Variants in C2orf76 observed in about 807,000 individuals in gnomAD.
C2orf76 encodes the protein chromosome 2 open reading frame 76, also known as UPF0538 protein C2orf76.
A neutral mutation model predicts 16.9 loss-of-function variants in C2orf76; 23 were observed. The ratio of observed to expected loss-of-function variants is 1.36; its 90% confidence interval spans 0.98 to 1.93. C2orf76 has a LOEUF of 1.93. Ranked by LOEUF, C2orf76 falls within the 30% of genes most tolerant of loss-of-function variation. The probability of loss-of-function intolerance (pLI) is 0.00; values close to 1 mark genes in which losing one functional copy is unlikely to be tolerated. For missense variants in C2orf76, 152 were observed against 152.6 expected, an observed-to-expected ratio of 1.00 and a Z score of 0.02; for synonymous variants, 48 against 52.3, an observed-to-expected ratio of 0.92 and a Z score of 0.35.
intron 5 of C2orf76, among the ~76,000 whole-genome samples, chr2:119,309,847 T>C (rs1009073153): frequency 6.6e-6 from 1 of 152,238 alleles, no homozygotes; most frequent in South Asian, 2.1e-4. Flanking sequence ...TCCCCCTTTA[T>C]GGCTTCTGTC....
chr2:119,312,189 C>T (rs776930121), intron 4 of C2orf76, among the ~76,000 whole-genome samples: 8 of 152,204 alleles, frequency 5.3e-5, no homozygotes, highest in Non-Finnish European at 1.2e-4. Context: ...TGGTCAGCGA[C>T]AGAGCTGAGC....
At chr2:119,313,356 G>C (rs1679058509) in intron 4 of C2orf76, among the ~76,000 whole-genome samples, 1 of 152,094 alleles carries the variant, frequency 6.6e-6, no homozygotes, top group South Asian at 2.1e-4. Context: ...GGGAGGCCAA[G>C]GCAAGAGGAC....
In C2orf76 at chr2:119,321,853, C is replaced by CATATATATAT. The variant is rs34104959; in HGVS notation, c.134-659_134-650dup. Among the ~76,000 whole-genome samples, 83 of 149,254 alleles carry CATATATATAT rather than the reference C, an allele frequency of 5.6e-4. 2 individuals carry two copies. The highest frequency in any genetic ancestry group is 1.1e-3 in the African/African-American group (46 of 40,734). ...TATATACTAATACACTTGTGTGAGA[C>CATATATATAT]ATATATATATATATATAGCTGATGT... is the stretch of plus-strand genomic sequence containing the variant. On this transcript the variant is annotated intron_variant, in intron 2 of 5. Coordinates refer to ENST00000334816, the MANE Select transcript of C2orf76 (RefSeq NM_001322331.2).
At chr2:119,363,173 T>C (rs1680798778) in intron 1 of C2orf76, among the ~76,000 whole-genome samples, 1 of 151,970 alleles carries the variant, frequency 6.6e-6, no homozygotes, top group Non-Finnish European at 1.5e-5. Context: ...GCCTGTAATC[T>C]CAGCACTTTG....
intron 1 of C2orf76, among the ~76,000 whole-genome samples, chr2:119,355,990 T>C (rs939705501): frequency 3.3e-5 from 5 of 152,216 alleles, no homozygotes; most frequent in Non-Finnish European, 5.9e-5. Flanking sequence ...CAATGTGTTC[T>C]CTGACCACAG....
At chr2:119,362,068 C>G (rs1680763974) in intron 1 of C2orf76, among the ~76,000 whole-genome samples, 1 of 152,072 alleles carries the variant, frequency 6.6e-6, no homozygotes, top group Admixed American at 6.6e-5. Flanking sequence ...AAAGACCAAC[C>G]CTTCCTCTTC....
chr2:119,337,169 C>T (rs571933826), intron 2 of C2orf76, among the ~76,000 whole-genome samples: 1 of 152,104 alleles, frequency 6.6e-6, no homozygotes, highest in South Asian at 2.1e-4. Context: ...GATCTTCCCA[C>T]CTCAGCCTCC....
At chr2:119,320,938 C>G (rs1239105792) in intron 3 of C2orf76, among the ~76,000 whole-genome samples, 1 of 152,120 alleles carries the variant, frequency 6.6e-6, no homozygotes, top group Non-Finnish European at 1.5e-5. Flanking sequence ...TCGTTTTAAA[C>G]ACAGTTTTGG....
chr2:119,314,475 T>C (rs1241363870), intron 4 of C2orf76, among the ~76,000 whole-genome samples: 2 of 152,230 alleles, frequency 1.3e-5, no homozygotes, highest in Non-Finnish European at 2.9e-5. Context: ...CCATCTTTTC[T>C]TTACAAACTT....
intron 3 of C2orf76, among the ~76,000 whole-genome samples, chr2:119,320,164 A>G (rs1679299664): frequency 6.6e-6 from 1 of 152,198 alleles, no homozygotes; most frequent in South Asian, 2.1e-4. Context: ...AAAAGAACTT[A>G]CATGGAACAC....
chr2:119,293,549 T>C, the C2orf76 span, among the ~76,000 whole-genome samples: 11 of 152,256 alleles, frequency 7.2e-5, no homozygotes, highest in South Asian at 6.2e-4. Flanking sequence ...GGGTGAAGAA[T>C]TGCAGCGGGG....
the C2orf76 span, among the ~76,000 whole-genome samples, chr2:119,288,029 A>T: frequency 6.6e-6 from 1 of 152,048 alleles, no homozygotes; most frequent in Non-Finnish European, 1.5e-5. Context: ...CTGTGATGGC[A>T]CAAAGGAGGT....
chr2:119,336,165 C>T (rs1679838375), intron 2 of C2orf76, among the ~76,000 whole-genome samples: 1 of 152,092 alleles, frequency 6.6e-6, no homozygotes, highest in Admixed American at 6.5e-5. Flanking sequence ...GAGGCTGAGG[C>T]AGGCGGATCT....
At chr2:119,337,534 C>CA (rs1679889218) in intron 2 of C2orf76, among the ~76,000 whole-genome samples, 2 of 152,058 alleles carry the variant, frequency 1.3e-5, no homozygotes, top group Non-Finnish European at 2.9e-5. Flanking sequence ...TTACATATTT[C>CA]AAAAATCCCT....
chr2:119,339,110 G>GA (rs1679943017), intron 2 of C2orf76: 1 of 152,142 alleles, frequency 6.6e-6, no homozygotes, highest in Non-Finnish European at 1.5e-5. Context: ...TCATGTCAAA[G>GA]TAAAAAAATT....
chr2:119,287,186 G>A, the C2orf76 span, among the ~76,000 whole-genome samples: 1 of 152,226 alleles, frequency 6.6e-6, no homozygotes, highest in Non-Finnish European at 1.5e-5. Context: ...AGGCCTGACA[G>A]GGCAAGCACT....
chr2:119,298,293 A>AAC (rs1678569792), downstream of C2orf76, among the ~76,000 whole-genome samples: 2 of 152,224 alleles, frequency 1.3e-5, no homozygotes, highest in African/African-American at 4.8e-5. Flanking sequence ...AGTGAATGGT[A>AAC]TGAAGTAGGA....
At chr2:119,293,425 G>A in the C2orf76 span, among the ~76,000 whole-genome samples, 1 of 152,226 alleles carries the variant, frequency 6.6e-6, no homozygotes, top group South Asian at 2.1e-4. Flanking sequence ...GCGTGCATAT[G>A]TTTGGTGTGC....
At chr2:119,310,058 T>G (rs1388363782) in intron 5 of C2orf76, among the ~76,000 whole-genome samples, 1 of 152,238 alleles carries the variant, frequency 6.6e-6, no homozygotes, top group Non-Finnish European at 1.5e-5. Context: ...ATTTTCTGGC[T>G]AAATCATTCT....
Sources: gnomAD v4.1 joint callset for allele counts (sites outside exome capture counted in the v4.1 genomes callset) on GRCh38, gnomAD v4.1.1 for gene constraint, MANE v1.5 for transcripts, NCBI Gene and HGNC (gene_info 2026-07-23, HGNC 2026-07-21) for gene names.